Variants in GNAQ observed in about 807,000 individuals in gnomAD.
GNAQ encodes G protein subunit alpha q.
Under a neutral mutation model 43.9 loss-of-function variants are expected in GNAQ, and 8 were observed. That is an observed-to-expected ratio of 0.18 (90% CI 0.11 to 0.33). The LOEUF is 0.33. GNAQ is among the 10% of genes least tolerant of loss of function. The pLI is 1.00. For missense variants in GNAQ, 158 were observed against 450.8 expected (o/e 0.35, Z 5.88); for synonymous variants, 155 against 170.7 (o/e 0.91, Z 0.71).
At chr9:77,784,746 A>T (rs138301052) in intron 5 of GNAQ, among the ~76,000 whole-genome samples, 1 of 152,228 alleles carries the variant, frequency 6.6e-6, no homozygotes. Context: ...TCACTGATTT[A>T]TAAAGAATTC....
intron 1 of GNAQ, among the ~76,000 whole-genome samples, chr9:77,922,725 T>G (rs1673987139): frequency 6.6e-6 from 1 of 152,182 alleles, no homozygotes; most frequent in African/African-American, 2.4e-5. Flanking sequence ...TCCAGGACAC[T>G]GGGTTGATTA....
At chr9:77,777,945 T>A (rs549809397) in intron 5 of GNAQ, among the ~76,000 whole-genome samples, 1 of 152,110 alleles carries the variant, frequency 6.6e-6, no homozygotes, top group African/African-American at 2.4e-5. Context: ...TACCAAATGA[T>A]CCAGGAATTC....
rs148779810 is a variant in GNAQ at position 77,853,872 on chromosome 9, G to A, written c.322-38102C>T. ...CCACCCTGTCCCATTTCTAAGAATCGTTCCACTATTACATAAACCACCTAA... is the reference window on the plus strand; with the variant it reads ...CCACCCTGTCCCATTTCTAAGAATCATTCCACTATTACATAAACCACCTAA... On this transcript the variant is annotated intron_variant, in intron 2 of 6. Transcript: ENST00000286548. 3.6e-3 allele frequency among the ~76,000 whole-genome samples: 535 copies of A among 147,572 alleles called. 1 individual carries two copies. The highest frequency in any genetic ancestry group is 5.9e-3 in the Non-Finnish European group (398 of 67,516).
chr9:77,915,060 AG>A (rs1828875402), intron 2 of GNAQ, among the ~76,000 whole-genome samples: 1 of 152,232 alleles, frequency 6.6e-6, no homozygotes, highest in African/African-American at 2.4e-5. Context: ...TCTCTTTTTT[AG>A]AGTTTCAGAA....
intron 2 of GNAQ, among the ~76,000 whole-genome samples, chr9:77,921,393 C>G (rs536663108): frequency 6.6e-6 from 1 of 152,300 alleles, no homozygotes; most frequent in Admixed American, 6.5e-5. Context: ...GGACAACACT[C>G]AGGTATACCA....
At chr9:77,871,032 G>C (rs1284899227) in intron 2 of GNAQ, among the ~76,000 whole-genome samples, 6 of 152,118 alleles carry the variant, frequency 3.9e-5, no homozygotes, top group African/African-American at 1.4e-4. Flanking sequence ...TGGTAGTGGT[G>C]GGTGCATGGT....
chr9:77,837,070 C>T (rs1320793976), intron 2 of GNAQ, among the ~76,000 whole-genome samples: 1 of 152,126 alleles, frequency 6.6e-6, no homozygotes, highest in African/African-American at 2.4e-5. Context: ...ATATGAAATT[C>T]AGTGGCTCTT....
chr9:78,019,237 T>C (rs1823875109), intron 1 of GNAQ, among the ~76,000 whole-genome samples: 1 of 152,242 alleles, frequency 6.6e-6, no homozygotes, highest in South Asian at 2.1e-4. Context: ...AGAAAATGCA[T>C]GGGACTCATT....
intron 1 of GNAQ, among the ~76,000 whole-genome samples, chr9:78,011,687 C>T (rs148669308): frequency 6.6e-6 from 1 of 152,228 alleles, no homozygotes; most frequent in East Asian, 1.9e-4. Flanking sequence ...CATTTAACAC[C>T]TACTTACTGG....
intron 5 of GNAQ, among the ~76,000 whole-genome samples, chr9:77,730,653 A>G (rs1438073890): frequency 1.3e-5 from 2 of 152,246 alleles, no homozygotes; most frequent in Non-Finnish European, 2.9e-5. Context: ...ATAATGAAAG[A>G]TAACTTCATA....
chr9:77,719,507 G>A lies in GNAQ; in HGVS notation c.*1816C>T, dbSNP rs1364734405. 3 of 232,542 alleles carry A rather than the reference G, an allele frequency of 1.3e-5. No homozygotes were observed. In the Admixed American group the frequency reaches 1.7e-4, roughly 13 times the overall value. The allele number at this position is 232,542 out of a possible 1,614,324, so 14.4% of individuals were successfully genotyped here. ...GAGAACATCTCATTACTGTTGGGCG[G>A]CTTTGGTACTCATTTAACAGGCCGT... is the stretch of plus-strand genomic sequence containing the variant. On this transcript the variant is annotated 3_prime_UTR_variant, in exon 7 of 7. Coordinates refer to ENST00000286548, the MANE Select transcript of GNAQ (RefSeq NM_002072.5).
intron 3 of GNAQ, among the ~76,000 whole-genome samples, chr9:77,810,186 T>C (rs970559695): frequency 3.3e-5 from 5 of 152,086 alleles, no homozygotes; most frequent in African/African-American, 1.2e-4. Context: ...TATCCATCTA[T>C]CTTATCTAAA....
chr9:77,716,256 G>A lies in GNAQ; in HGVS notation c.*5067C>T. 1 of 227,248 alleles carries A rather than the reference G, an allele frequency of 4.4e-6. No individual in the cohort carries two copies. The highest frequency in any genetic ancestry group is 2.2e-5 in the African/African-American group (1 of 45,066). 14.1% of individuals were successfully genotyped at this position (227,248 alleles called of 1,614,324 possible). On this transcript the variant is annotated 3_prime_UTR_variant, in exon 7 of 7. Coordinates refer to ENST00000286548, the MANE Select transcript of GNAQ (RefSeq NM_002072.5). ...AATGGAAGCAAAACTCAACAATGAA[G>A]AATACTATAGTACAAAATTATGGCC...
At chr9:77,722,392 C>T (rs1431763885) in intron 6 of GNAQ, among the ~76,000 whole-genome samples, 1 of 152,094 alleles carries the variant, frequency 6.6e-6, no homozygotes, top group African/African-American at 2.4e-5. Flanking sequence ...CCGCCTTGGC[C>T]TCCCAAAGTG....
intron 1 of GNAQ, among the ~76,000 whole-genome samples, chr9:78,023,962 A>ATTGTATATGTGTGT (rs1413828263): frequency 1.3e-5 from 2 of 152,030 alleles, no homozygotes; most frequent in African/African-American, 4.8e-5. Context: ...ACACACACAC[A>ATTGTATATGTGTGT]CTATAATGGC....
chr9:77,962,587 G>A (rs1040775645), intron 1 of GNAQ, among the ~76,000 whole-genome samples: 8 of 151,982 alleles, frequency 5.3e-5, no homozygotes, highest in Non-Finnish European at 1.0e-4. Flanking sequence ...TATACAAGAG[G>A]TCTTCAAAAA....
chr9:77,858,346 A>G (rs1827793059), intron 2 of GNAQ, among the ~76,000 whole-genome samples: 1 of 152,190 alleles, frequency 6.6e-6, no homozygotes, highest in South Asian at 2.1e-4. Flanking sequence ...CCATTGCTCT[A>G]AATCCATAGG....
chr9:77,814,621 CAG>C (rs1001591148), intron 3 of GNAQ, among the ~76,000 whole-genome samples: 9 of 152,246 alleles, frequency 5.9e-5, no homozygotes, highest in African/African-American at 1.7e-4. Flanking sequence ...ACTGAAAAAA[CAG>C]AGTCATATAG....
intron 1 of GNAQ, among the ~76,000 whole-genome samples, chr9:77,948,158 AAAT>A (rs1257376794): frequency 1.3e-5 from 2 of 152,056 alleles, no homozygotes; most frequent in African/African-American, 4.8e-5. Context: ...TTTTTGAATA[AAAT>A]AATGTTATTT....
Sources: allele counts gnomAD v4.1 joint callset (sites outside exome capture counted in the v4.1 genomes callset), GRCh38; gene constraint gnomAD v4.1.1; transcripts MANE v1.5; gene names NCBI Gene and HGNC (gene_info 2026-07-23, HGNC 2026-07-21).